The following ZDHHC13 variants were observed in gnomAD, a reference collection of about 807,000 sequenced individuals.
The protein encoded by ZDHHC13 is palmitoyltransferase ZDHHC13.
ZDHHC13 carries 85 observed loss-of-function variants against 86.0 expected under a neutral mutation model. The observed-to-expected ratio is 0.99, with a 90% CI of 0.83 to 1.18. The LOEUF (loss-of-function observed/expected upper bound fraction) is 1.18. ZDHHC13 is among the 50% of genes most tolerant of loss of function. The pLI is 0.00. For missense variants in ZDHHC13, 711 were observed against 730.2 expected, an observed-to-expected ratio of 0.97 and a Z score of 0.30; for synonymous variants, 263 against 246.4, an observed-to-expected ratio of 1.07 and a Z score of -0.63.
At chr11:19,152,821 A>C in intron 8 of ZDHHC13, 137 bp downstream of exon 8, 1 of 1,363,418 alleles carries the variant, frequency 7.3e-7, no homozygotes, top group Non-Finnish European at 1.0e-6. Context: ...TTTCCCCCGC[A>C]TCCTATTACC....
In ZDHHC13 at chr11:19,158,949, T is replaced by C; in HGVS notation, c.1017T>C (p.Val339=). ...ATCTTTTTTCTTTTAGGTTCTTGGT[T>C]GGGTATAAGAACCTTGTATACTTAC... The part of the protein sequence containing the change: ...FLTSLFPRFL[V]GYKNLVYLPT... Residue 339 remains valine, a synonymous_variant, in exon 10 of 17, where the codon GTT becomes GTC. Transcript: ENST00000446113. 1 of 1,528,666 alleles carries C rather than the reference T, an allele frequency of 6.5e-7. No individual in the cohort carries two copies. The allele number at this position is 1,528,666 out of a possible 1,614,324, so 94.7% of individuals were successfully genotyped here. A position where few individuals can be genotyped will look rare whatever the true frequency, so the allele number is the denominator to read the frequency against.
intron 12 of ZDHHC13, 99 bp downstream of exon 12, chr11:19,164,462 C>T (rs964157802): frequency 4.3e-6 from 5 of 1,167,234 alleles, no homozygotes; most frequent in Non-Finnish European, 6.1e-6. Flanking sequence ...TATTTATACA[C>T]CTTTGTTTTT....
chr11:19,158,907 A>T (rs1554964867), intron 9 of ZDHHC13, 33 bp from the exon 10 acceptor site: 1 of 1,350,460 alleles, frequency 7.4e-7, no homozygotes, highest in Non-Finnish European at 1.0e-6. Context: ...TACAAGTCAT[A>T]CTAATAACTT....
chr11:19,158,811 C>T (rs1849828637), intron 9 of ZDHHC13, 129 bp from the exon 10 acceptor site: 1 of 583,938 alleles, frequency 1.7e-6, no homozygotes, highest in East Asian at 3.0e-5. Context: ...ACATAGTAAG[C>T]ACTCAGTATG....
chr11:19,138,659 C>A (rs1849218379), intron 1 of ZDHHC13, among the ~76,000 whole-genome samples: 2 of 149,622 alleles, frequency 1.3e-5, no homozygotes, highest in Admixed American at 1.3e-4. Context: ...ATGCAAAAAT[C>A]CTCAATAAAA....
chr11:19,138,309 C>A (rs1849206910), intron 1 of ZDHHC13, among the ~76,000 whole-genome samples: 1 of 151,890 alleles, frequency 6.6e-6, no homozygotes, highest in South Asian at 2.1e-4. Context: ...ACTAGAAAAT[C>A]TAGAAGAAAG....
chr11:19,172,321 T>C (rs571486344), intron 15 of ZDHHC13, among the ~76,000 whole-genome samples: 2 of 152,120 alleles, frequency 1.3e-5, no homozygotes, highest in East Asian at 1.9e-4. Flanking sequence ...TCCACCCGCC[T>C]CGGCCTGCCA....
intron 1 of ZDHHC13, among the ~76,000 whole-genome samples, chr11:19,129,422 T>C (rs144210774): frequency 4.8e-3 from 727 of 152,286 alleles, no homozygotes; most frequent in African/African-American, 0.016. Context: ...GGAGGTTCCC[T>C]TCTTTTCCCT....
At position 19,117,260 on chromosome 11, in the gene ZDHHC13, C is replaced by T. The variant is rs1451310420; in HGVS notation, c.11C>T (p.Pro4Leu). The T allele has an allele frequency of 3.3e-6, 5 of 1,497,600 alleles. No homozygotes were observed. The highest frequency in any genetic ancestry group is 1.4e-5 in the African/African-American group (1 of 70,014). The allele number at this position is 1,497,600 out of a possible 1,614,324, so 92.8% of individuals were successfully genotyped here. The change falls in exon 1 of 17, where the codon CCG becomes CTG. Residue 4 changes from proline to leucine, a missense_variant. Pro to Leu is a moderately conservative substitution (Grantham distance 98). Transcript: ENST00000446113. This position sits in a 1 kb window ranked among gnomAD's most constrained non-coding sequence, Gnocchi z 4.2. ...TGGGCTCCTGGGGAGATGGAGGGGC[C>T]GGGGCTGGGCTCGCAGGTGAGTGCG... MEG[P>L]GLGSQCRNHS...
intron 9 of ZDHHC13, among the ~76,000 whole-genome samples, chr11:19,156,316 A>G (rs1239973303): frequency 6.6e-6 from 1 of 152,048 alleles, no homozygotes; most frequent in East Asian, 1.9e-4. Context: ...TAAGCTAGTT[A>G]TTTTTGCTGT....
In ZDHHC13 at chr11:19,163,344, A is replaced by G. The variant is rs1386982825; in HGVS notation, c.1150A>G (p.Ile384Val). The G allele has an allele frequency of 1.2e-6, 2 of 1,603,958 alleles. No individual in the cohort carries two copies. The highest frequency in any genetic ancestry group is 1.7e-6 in the Non-Finnish European group (2 of 1,175,452). Residue 384 changes from isoleucine (I) to valine (V), a missense_variant, in exon 11 of 17, where the codon ATA (isoleucine) becomes GTA (valine). Transcript: ENST00000446113. Reference sequence around the variant, plus strand: ...TTTCTATTTCAGTTTCATTTTCAGCATAGTAGCCTTTCTATACTTTTTCTA... The same window carrying G: ...TTTCTATTTCAGTTTCATTTTCAGCGTAGTAGCCTTTCTATACTTTTTCTA... ...APFYFSFIFSIVAFLYFFYKT... is the reference protein window; with the variant it reads ...APFYFSFIFSVVAFLYFFYKT...
At chr11:19,172,873 G>C in intron 16 of ZDHHC13, 53 bp downstream of exon 16, 2 of 1,494,318 alleles carry the variant, frequency 1.3e-6, no homozygotes, top group Admixed American at 2.1e-5. Context: ...CCTAGTCACT[G>C]GTTTCCTAAG....
rs1345703979 is a variant in ZDHHC13, at chr11:19,143,083, A to G, written c.133A>G (p.Ile45Val). The G allele has an allele frequency of 1.2e-6, 2 of 1,613,354 alleles. No homozygotes were observed. Among genetic ancestry groups the G allele is most frequent in the East Asian group, 2.2e-5 (1 of 44,878 alleles). Reference sequence around the variant, plus strand: ...CAATGCAAGAGAAGCTCTTCCTCTTATAGAGGACTCTAGTAACTGTGACAT... The same window carrying G: ...CAATGCAAGAGAAGCTCTTCCTCTTGTAGAGGACTCTAGTAACTGTGACAT... ...LANAREALPLIEDSSNCDIVK... is the reference protein window; with the variant it reads ...LANAREALPLVEDSSNCDIVK... Residue 45 changes from isoleucine to valine, a missense_variant, in exon 2 of 17, where the codon ATA becomes GTA. By Grantham distance (29) the Ile-to-Val change is conservative. Transcript: ENST00000446113.
intron 1 of ZDHHC13, among the ~76,000 whole-genome samples, chr11:19,131,226 G>A (rs1848993697): frequency 1.3e-5 from 2 of 152,222 alleles, no homozygotes; most frequent in Admixed American, 1.3e-4. Flanking sequence ...CACCATATTG[G>A]CCAGGCTGGT....
chr11:19,147,213 AG>A (rs1172129660), intron 3 of ZDHHC13, among the ~76,000 whole-genome samples: 1 of 152,204 alleles, frequency 6.6e-6, no homozygotes, highest in Non-Finnish European at 1.5e-5. Flanking sequence ...AAACTGTTGA[AG>A]GTGACATAAC....
At chr11:19,158,388 T>TGAATACTA in intron 9 of ZDHHC13, among the ~76,000 whole-genome samples, 1 of 152,286 alleles carries the variant, frequency 6.6e-6, no homozygotes, top group East Asian at 1.9e-4. Flanking sequence ...GTTAGTGTTC[T>TGAATACTA]GAATACTAGT....
intron 11 of ZDHHC13, 59 bp downstream of exon 11, chr11:19,163,486 TATATGCAC>T: frequency 2.0e-6 from 3 of 1,495,292 alleles, no homozygotes; most frequent in Non-Finnish European, 1.8e-6. Flanking sequence ...TTAGAAAGTT[TATATGCAC>T]ATATGCAGAT....
chr11:19,118,830 T>G (rs1194327733), intron 1 of ZDHHC13: 1 of 152,240 alleles, frequency 6.6e-6, no homozygotes, highest in African/African-American at 2.4e-5. Context: ...ATGATTATTC[T>G]GATTTTAGAA....
At chr11:19,151,929 C>T (rs1849618077) in intron 6 of ZDHHC13, among the ~76,000 whole-genome samples, 1 of 151,902 alleles carries the variant, frequency 6.6e-6, no homozygotes. Context: ...TATTCCACTG[C>T]ATTGTTAAAA....
Sources: allele counts gnomAD v4.1 joint callset (sites outside exome capture counted in the v4.1 genomes callset), GRCh38; gene constraint gnomAD v4.1.1; non-coding constraint Gnocchi (gnomAD v3.1); transcripts MANE v1.5; gene names NCBI Gene and HGNC (gene_info 2026-07-23, HGNC 2026-07-21).